The following ROR1 variants were observed in gnomAD, a reference collection of about 807,000 sequenced individuals.
ROR1 encodes ROR family WNT receptor 1.
In ROR1, 19 loss-of-function variants were observed where a neutral mutation model predicts 78.8. The ratio of observed to expected loss-of-function variants is 0.24; its 90% CI spans 0.17 to 0.35. The LOEUF is 0.35. Among genes scored for constraint, ROR1 ranks in the 10% least tolerant of loss-of-function variants. The pLI, the probability that ROR1 is intolerant of heterozygous loss-of-function variation, is 1.00. For missense variants in ROR1, 917 were observed against 1,177.8 expected, an observed-to-expected ratio of 0.78 and a Z score of 3.24; for synonymous variants, 386 against 433.6, an observed-to-expected ratio of 0.89 and a Z score of 1.36.
chr1:64,002,690 A>G (rs921148599), intron 1 of ROR1, among the ~76,000 whole-genome samples: 7 of 152,182 alleles, frequency 4.6e-5, no homozygotes, highest in Non-Finnish European at 7.3e-5. Context: ...TAAAAAAGGA[A>G]CAGCATCTCC....
intron 5 of ROR1, 26 bp from the exon 6 acceptor site, chr1:64,140,082 GA>G: frequency 1.9e-6 from 3 of 1,602,274 alleles, no homozygotes; most frequent in Non-Finnish European, 2.6e-6. Context: ...TGGCCTCTGG[GA>G]GTTAATAATT....
rs539877481 is a variant in ROR1, at chr1:63,959,736, C to G, written c.92-49569C>G. Among the ~76,000 whole-genome samples, 12 of 152,340 alleles carry G rather than the reference C, an allele frequency of 7.9e-5. No homozygotes were observed. In the South Asian group the frequency reaches 2.5e-3, roughly 32 times the overall value. On this transcript the variant is annotated intron_variant, in intron 1 of 8. Transcript: ENST00000371079. ...ACATGAGCTAAGGAGCTAGGATTCA[C>G]TGGCTTCCCATTCCAGCTCCAGTTC...
chr1:64,096,908 G>GTT (rs35198323), intron 4 of ROR1, among the ~76,000 whole-genome samples: 1 of 147,026 alleles, frequency 6.8e-6, no homozygotes, highest in African/African-American at 2.5e-5. Flanking sequence ...ACCAGCATCT[G>GTT]TTTTTTTTTT....
chr1:63,867,590 G>A (rs1236766090), intron 1 of ROR1, among the ~76,000 whole-genome samples: 1 of 152,206 alleles, frequency 6.6e-6, no homozygotes, highest in African/African-American at 2.4e-5. Flanking sequence ...CGACTCCCTT[G>A]TCAGTAGGCA....
At chr1:63,827,552 A>G (rs1321093011) in intron 1 of ROR1, among the ~76,000 whole-genome samples, 1 of 152,144 alleles carries the variant, frequency 6.6e-6, no homozygotes, top group Non-Finnish European at 1.5e-5. Context: ...TGTAAACTGG[A>G]AGCATTCTGC....
intron 1 of ROR1, among the ~76,000 whole-genome samples, chr1:63,881,753 G>A (rs779645325): frequency 6.6e-6 from 1 of 152,188 alleles, no homozygotes; most frequent in Non-Finnish European, 1.5e-5. Context: ...CAAGGTGAAT[G>A]AGGCATGGCA....
intron 1 of ROR1, among the ~76,000 whole-genome samples, chr1:63,896,908 G>A (rs1398909678): frequency 6.6e-6 from 1 of 152,124 alleles, no homozygotes; most frequent in Non-Finnish European, 1.5e-5. Flanking sequence ...TTGAGCTTGG[G>A]TAAATCCCTT....
At chr1:64,024,899 A>G (rs571141838) in intron 2 of ROR1, among the ~76,000 whole-genome samples, 1 of 152,308 alleles carries the variant, frequency 6.6e-6, no homozygotes, top group East Asian at 1.9e-4. Flanking sequence ...GTTTATCTCT[A>G]ACATATTAAT....
chr1:64,036,462 G>A (rs1646703245), intron 2 of ROR1, among the ~76,000 whole-genome samples: 1 of 152,140 alleles, frequency 6.6e-6, no homozygotes, highest in Non-Finnish European at 1.5e-5. Flanking sequence ...AGTTCATCCA[G>A]GAGTCTCCCA....
At chr1:63,798,729 T>G (rs1357934940) in intron 1 of ROR1, among the ~76,000 whole-genome samples, 1 of 152,160 alleles carries the variant, frequency 6.6e-6, no homozygotes, top group Non-Finnish European at 1.5e-5. Flanking sequence ...GAACCATTAT[T>G]CCAGGGGCTT....
At chr1:63,924,872 T>C (rs1645686517) in intron 1 of ROR1, among the ~76,000 whole-genome samples, 1 of 151,704 alleles carries the variant, frequency 6.6e-6, no homozygotes, top group Non-Finnish European at 1.5e-5. Flanking sequence ...CTGTCCACAT[T>C]TTCTCATCAG....
At chr1:63,855,468 C>T (rs1054545171) in intron 1 of ROR1, among the ~76,000 whole-genome samples, 2 of 152,148 alleles carry the variant, frequency 1.3e-5, no homozygotes, top group Non-Finnish European at 2.9e-5. Flanking sequence ...TTCCTCAACT[C>T]ACTGATTCTG....
intron 1 of ROR1, among the ~76,000 whole-genome samples, chr1:63,951,324 C>A (rs1360379195): frequency 6.6e-6 from 1 of 152,090 alleles, no homozygotes; most frequent in African/African-American, 2.4e-5. Context: ...TTGTTCCAGG[C>A]ACCCTACACT....
intron 4 of ROR1, among the ~76,000 whole-genome samples, chr1:64,103,397 C>T (rs962350082): frequency 2.6e-5 from 4 of 151,560 alleles, no homozygotes; most frequent in African/African-American, 9.7e-5. Flanking sequence ...AAAATATCCT[C>T]TAGATATGTG....
chr1:64,096,510 T>C (rs1647304816), intron 4 of ROR1, among the ~76,000 whole-genome samples: 1 of 152,190 alleles, frequency 6.6e-6, no homozygotes. Flanking sequence ...TGTTCCTGCA[T>C]TGGTTTGCTA....
chr1:63,832,580 C>T (rs995975652), intron 1 of ROR1, among the ~76,000 whole-genome samples: 1 of 152,196 alleles, frequency 6.6e-6, no homozygotes, highest in African/African-American at 2.4e-5. Flanking sequence ...CCCTGAACCT[C>T]TGTTTCCTTT....
intron 1 of ROR1, among the ~76,000 whole-genome samples, chr1:63,999,417 C>A (rs758334328): frequency 6.6e-6 from 1 of 152,190 alleles, no homozygotes; most frequent in Non-Finnish European, 1.5e-5. Flanking sequence ...ATCTAAATAT[C>A]TGGTTTGCCA....
intron 4 of ROR1, among the ~76,000 whole-genome samples, chr1:64,069,579 A>G (rs1388036622): frequency 1.3e-5 from 2 of 152,112 alleles, no homozygotes; most frequent in Non-Finnish European, 2.9e-5. Flanking sequence ...CATCGTGATT[A>G]AAGAGAAAGG....
At chr1:64,053,662 G>A (rs576326847) in intron 4 of ROR1, among the ~76,000 whole-genome samples, 34 of 152,142 alleles carry the variant, frequency 2.2e-4, no homozygotes, top group Admixed American at 1.5e-3. Flanking sequence ...CCTTTTTAAC[G>A]TTAAAATTTT....
Sources: allele counts gnomAD v4.1 joint callset (sites outside exome capture counted in the v4.1 genomes callset), GRCh38; gene constraint gnomAD v4.1.1; transcripts MANE v1.5; gene names NCBI Gene and HGNC (gene_info 2026-07-23, HGNC 2026-07-21).